The following BEND5 variants were observed in gnomAD, a reference collection of about 807,000 sequenced individuals.
The protein encoded by BEND5 is BEN domain containing 5.
Under a neutral mutation model 43.9 loss-of-function variants are expected in BEND5, and 22 were observed. The observed-to-expected ratio is 0.50, with a 90% CI of 0.36 to 0.72. The LOEUF (loss-of-function observed/expected upper bound fraction) is 0.72. BEND5 is among the 30% of genes least tolerant of loss of function. The probability of loss-of-function intolerance (pLI) is 0.00; values close to 1 mark genes in which losing one functional copy is unlikely to be tolerated. For missense variants in BEND5, 428 were observed against 550.6 expected (o/e 0.78, Z 2.23); for synonymous variants, 228 against 225.9 (o/e 1.01, Z -0.08).
At chr1:48,734,891 A>G (rs1187359253) in intron 5 of BEND5, among the ~76,000 whole-genome samples, 7 of 152,176 alleles carry the variant, frequency 4.6e-5, no homozygotes, top group Non-Finnish European at 2.9e-5. Flanking sequence ...ACTGAGTCTT[A>G]CTTTCTTTAT....
intron 3 of BEND5, among the ~76,000 whole-genome samples, chr1:48,757,104 T>C (rs1643975107): frequency 6.6e-6 from 1 of 152,226 alleles, no homozygotes; most frequent in Non-Finnish European, 1.5e-5. Context: ...ACTCAGTTCA[T>C]AATCATGAAA....
chr1:48,744,395 T>C (rs1392194359), intron 3 of BEND5, among the ~76,000 whole-genome samples: 2 of 152,238 alleles, frequency 1.3e-5, no homozygotes, highest in Non-Finnish European at 2.9e-5. Context: ...AAGTGGAGCA[T>C]TTGATCTTTT....
At chr1:48,729,259 G>A (rs1180790605) in intron 5 of BEND5, among the ~76,000 whole-genome samples, 6 of 152,164 alleles carry the variant, frequency 3.9e-5, no homozygotes, top group Non-Finnish European at 7.3e-5. Context: ...TGGCACAGTG[G>A]CAAACTTAAG....
chr1:48,763,015 A>G (rs962027601), intron 1 of BEND5, among the ~76,000 whole-genome samples: 4 of 152,136 alleles, frequency 2.6e-5, no homozygotes, highest in African/African-American at 9.7e-5. Flanking sequence ...TGAACATTCA[A>G]TGGATGGCAC....
At chr1:48,775,229 T>C (rs1452243401) in intron 1 of BEND5, among the ~76,000 whole-genome samples, 1 of 152,126 alleles carries the variant, frequency 6.6e-6, no homozygotes, top group African/African-American at 2.4e-5. Flanking sequence ...GGAGGTGGTA[T>C]GGATAGAGCC....
intron 1 of BEND5, among the ~76,000 whole-genome samples, chr1:48,773,990 C>G (rs1644957805): frequency 6.6e-6 from 1 of 152,222 alleles, no homozygotes; most frequent in Non-Finnish European, 1.5e-5. Flanking sequence ...TAAAGTCCCA[C>G]AGCAGTCGGC....
At chr1:48,730,977 G>A (rs937277118) in intron 5 of BEND5, among the ~76,000 whole-genome samples, 4 of 152,110 alleles carry the variant, frequency 2.6e-5, no homozygotes, top group South Asian at 2.1e-4. Flanking sequence ...CCAAAGCAGC[G>A]TCAATGTTTG....
At position 48,736,270 on chromosome 1, in the gene BEND5, G is replaced by A. The variant is rs1649034910; in HGVS notation, c.1077C>T (p.Pro359=). Residue 359 remains proline (P), a synonymous_variant, in exon 5 of 6, where the codon CCC becomes CCT. Coordinates refer to ENST00000371833, the MANE Select transcript of BEND5 (RefSeq NM_024603.4). This position sits in a 1 kb window ranked among gnomAD's most constrained non-coding sequence, Gnocchi z 4.0. ...KKKKDAVPKP[P]LSPHKLSIVR... The stretch of plus-strand genomic sequence containing the variant: ...CGATGCTTAGTTTGTGAGGCGAGAG[G>A]GGTGGTTTAGGGACTGCATCTTTCT... 1.2e-6 allele frequency: 2 copies of A among 1,614,188 alleles called. No individual in the cohort carries two copies. The highest frequency in any genetic ancestry group is 1.1e-5 in the South Asian group (1 of 91,082).
chr1:48,775,983 G>A (rs551347688), intron 1 of BEND5, among the ~76,000 whole-genome samples: 1 of 152,344 alleles, frequency 6.6e-6, no homozygotes, highest in South Asian at 2.1e-4. Context: ...CCTGGCCAGG[G>A]AGGGGCAGGA....
At position 48,727,736 on chromosome 1, in the gene BEND5, C is replaced by T; in HGVS notation, c.*150G>A. 1.6e-6 allele frequency: 1 copy of T among 622,140 alleles called. No homozygotes were observed. Among genetic ancestry groups the T allele is most frequent in the Non-Finnish European group, 2.6e-6 (1 of 379,114 alleles). 38.5% of individuals were successfully genotyped at this position (622,140 alleles called of 1,614,324 possible). ...AGCCATCTGTCGTCTTTGGAGTGTC[C>T]ACATTCAGAACAAGCCGCTGACCCC... On this transcript the variant is annotated 3_prime_UTR_variant, in exon 6 of 6. Coordinates refer to ENST00000371833, the MANE Select transcript of BEND5 (RefSeq NM_024603.4).
At chr1:48,775,253 C>G (rs1002193371) in intron 1 of BEND5, among the ~76,000 whole-genome samples, 8 of 152,196 alleles carry the variant, frequency 5.3e-5, no homozygotes, top group African/African-American at 1.9e-4. Context: ...CAAAAAGGGT[C>G]CAAGTGCTGC....
intron 1 of BEND5, among the ~76,000 whole-genome samples, chr1:48,773,944 T>C (rs1644956139): frequency 6.6e-6 from 1 of 152,212 alleles, no homozygotes; most frequent in Non-Finnish European, 1.5e-5. Flanking sequence ...ATTTGATAAG[T>C]AGTGGTATAA....
intron 1 of BEND5, among the ~76,000 whole-genome samples, chr1:48,771,635 C>T (rs1644838938): frequency 2.6e-5 from 4 of 152,204 alleles, no homozygotes; most frequent in Admixed American, 2.6e-4. Flanking sequence ...AGTTTTCACT[C>T]ACTTTTTTCA....
chr1:48,775,690 G>T (rs1246411471), intron 1 of BEND5, among the ~76,000 whole-genome samples: 1 of 152,186 alleles, frequency 6.6e-6, no homozygotes, highest in Admixed American at 6.5e-5. Flanking sequence ...AGGTGTCTCA[G>T]CATGGCAGGA....
At chr1:48,733,773 C>A (rs1466448717) in intron 5 of BEND5, among the ~76,000 whole-genome samples, 2 of 152,136 alleles carry the variant, frequency 1.3e-5, no homozygotes, top group African/African-American at 4.8e-5. Flanking sequence ...CAAGAAATCA[C>A]ACAAAATTTG....
chr1:48,755,980 C>T (rs1643903299), intron 3 of BEND5, among the ~76,000 whole-genome samples: 1 of 152,194 alleles, frequency 6.6e-6, no homozygotes, highest in Middle Eastern at 3.2e-3. Flanking sequence ...GTCATATAGC[C>T]AACTACTGGC....
chr1:48,769,096 G>T (rs72904860), intron 1 of BEND5, among the ~76,000 whole-genome samples: 1 of 152,178 alleles, frequency 6.6e-6, no homozygotes, highest in African/African-American at 2.4e-5. Flanking sequence ...GAAGACTACA[G>T]TAGAAAACCT....
At chr1:48,742,398 AT>A (rs1208680883) in intron 4 of BEND5, among the ~76,000 whole-genome samples, 3 of 133,030 alleles carry the variant, frequency 2.3e-5, no homozygotes, top group Non-Finnish European at 5.0e-5. Flanking sequence ...TTGGATCAAT[AT>A]TTTTTAAAAA....
At chr1:48,755,137 C>T (rs187986264) in intron 3 of BEND5, among the ~76,000 whole-genome samples, 1 of 152,284 alleles carries the variant, frequency 6.6e-6, no homozygotes, top group Non-Finnish European at 1.5e-5. Flanking sequence ...GCTGCTATCC[C>T]CCACCCTTGG....
Sources: gnomAD v4.1 joint callset for allele counts (sites outside exome capture counted in the v4.1 genomes callset) on GRCh38, gnomAD v4.1.1 for gene constraint, Gnocchi (gnomAD v3.1) non-coding constraint, MANE v1.5 for transcripts, NCBI Gene and HGNC (gene_info 2026-07-23, HGNC 2026-07-21) for gene names.